Variants in PID1 observed in about 807,000 individuals in gnomAD.
PID1 encodes PTB-containing, cubilin and LRP1-interacting protein.
PID1 carries 10 observed loss-of-function variants against 19.1 expected under a neutral mutation model. The observed-to-expected ratio is 0.52, with a 90% CI of 0.32 to 0.89. PID1 has a LOEUF of 0.89. PID1 is among the 40% of genes least tolerant of loss of function. The pLI is 0.03. For missense variants in PID1, 248 were observed against 285.3 expected (o/e 0.87, Z 0.94); for synonymous variants, 130 against 116.0 (o/e 1.12, Z -0.78).
chr2:229,121,452 T>C (rs764742350), intron 2 of PID1, among the ~76,000 whole-genome samples: 1 of 152,238 alleles, frequency 6.6e-6, no homozygotes, highest in Non-Finnish European at 1.5e-5. Flanking sequence ...TAGTCTTTGC[T>C]CTGTCACTCA....
intron 2 of PID1, among the ~76,000 whole-genome samples, chr2:229,105,807 C>T (rs192578251): frequency 2.0e-5 from 3 of 152,234 alleles, no homozygotes; most frequent in African/African-American, 2.4e-5. Flanking sequence ...TGGCTGGGCA[C>T]AGTGGCTCAC....
chr2:229,182,223 A>G (rs2106219768), intron 1 of PID1, among the ~76,000 whole-genome samples: 1 of 152,230 alleles, frequency 6.6e-6, no homozygotes, highest in South Asian at 2.1e-4. Flanking sequence ...TTAATGATGT[A>G]TCAGTGCAGG....
chr2:229,186,128 A>G (rs781334859), intron 1 of PID1, among the ~76,000 whole-genome samples: 4 of 152,166 alleles, frequency 2.6e-5, no homozygotes, highest in Non-Finnish European at 5.9e-5. Flanking sequence ...AAGCTCCAAA[A>G]TGACCTCCTT....
chr2:229,068,914 C>T (rs956574819), intron 2 of PID1, among the ~76,000 whole-genome samples: 1 of 152,122 alleles, frequency 6.6e-6, no homozygotes, highest in African/African-American at 2.4e-5. Context: ...AAACACTTTC[C>T]ACGATGTGGT....
rs150168611 is a variant in PID1 at position 229,226,851 on chromosome 2, T to C, written c.30+44163A>G. Among the ~76,000 whole-genome samples the C allele has an allele frequency of 1.8e-4, 27 of 152,338 alleles. No individual in the cohort carries two copies. The East Asian group carries it at 2.9e-3, about 16-fold the overall frequency. ...AGCAGACAGAAAGGAGGTAAACTGT[T>C]AGATGACCCCCTTTAAAAGTCATTT... On this transcript the variant is annotated intron_variant, in intron 1 of 2. Coordinates refer to ENST00000392055, the MANE Select transcript of PID1 (RefSeq NM_001100818.2).
intron 1 of PID1, among the ~76,000 whole-genome samples, chr2:229,205,603 T>A (rs545357249): frequency 1.7e-3 from 256 of 152,216 alleles, no homozygotes; most frequent in African/African-American, 6.0e-3. Flanking sequence ...TAAAAAGATA[T>A]TCTTTCTCCA....
At chr2:229,214,810 C>T (rs1691811395) in intron 1 of PID1, among the ~76,000 whole-genome samples, 1 of 151,896 alleles carries the variant, frequency 6.6e-6, no homozygotes, top group Admixed American at 6.6e-5. Context: ...AATTTCAATG[C>T]ATTTGTAAGC....
At chr2:229,150,941 T>A (rs1690238705) in intron 2 of PID1, among the ~76,000 whole-genome samples, 1 of 152,008 alleles carries the variant, frequency 6.6e-6, no homozygotes, top group Non-Finnish European at 1.5e-5. Context: ...ACTTTCCTTA[T>A]GCTTTCTGGT....
At chr2:229,076,384 GT>G (rs548168828) in intron 2 of PID1, among the ~76,000 whole-genome samples, 278 of 147,276 alleles carry the variant, frequency 1.9e-3, no homozygotes, top group Non-Finnish European at 3.2e-3. Flanking sequence ...TTGGGTTTTT[GT>G]TTTTTTTTTA....
chr2:229,235,371 G>T (rs925391139), intron 1 of PID1, among the ~76,000 whole-genome samples: 1 of 152,202 alleles, frequency 6.6e-6, no homozygotes, highest in Admixed American at 6.5e-5. Flanking sequence ...CAAAACAGCA[G>T]GAAGAGTCTG....
intron 1 of PID1, among the ~76,000 whole-genome samples, chr2:229,192,768 G>T (rs77590287): frequency 6.6e-6 from 1 of 151,984 alleles, no homozygotes; most frequent in Admixed American, 6.6e-5. Flanking sequence ...ACACAATGGC[G>T]TTCAATAAAT....
At chr2:229,069,152 T>TGTGTGTGTGG (rs1694398205) in intron 2 of PID1, among the ~76,000 whole-genome samples, 1 of 150,706 alleles carries the variant, frequency 6.6e-6, no homozygotes, top group African/African-American at 2.4e-5. Flanking sequence ...TTTGTGTGTG[T>TGTGTGTGTGG]GTGTGTGTGT....
intron 1 of PID1, among the ~76,000 whole-genome samples, chr2:229,248,415 C>T (rs148494880): frequency 4.5e-4 from 68 of 152,310 alleles, no homozygotes; most frequent in Middle Eastern, 3.4e-3. Flanking sequence ...ATGGGTGATG[C>T]TAACTTTGAT....
chr2:229,070,011 T>C (rs1052366628), intron 2 of PID1, among the ~76,000 whole-genome samples: 4 of 152,222 alleles, frequency 2.6e-5, no homozygotes, highest in Non-Finnish European at 4.4e-5. Context: ...GAAGCATTTA[T>C]TGGTCGCCTG....
At chr2:229,119,959 T>A (rs1405824592) in intron 2 of PID1, among the ~76,000 whole-genome samples, 5 of 152,126 alleles carry the variant, frequency 3.3e-5, no homozygotes, top group Non-Finnish European at 7.4e-5. Flanking sequence ...GGTTCTAAAG[T>A]CTTCAGACTC....
intron 1 of PID1, among the ~76,000 whole-genome samples, chr2:229,163,698 T>C (rs1194763393): frequency 1.4e-5 from 2 of 147,150 alleles, no homozygotes; most frequent in African/African-American, 2.5e-5. Context: ...TGTGTGTGTA[T>C]ACTCACTAAT....
intron 1 of PID1, among the ~76,000 whole-genome samples, chr2:229,241,728 G>A (rs1689875048): frequency 6.6e-6 from 1 of 152,036 alleles, no homozygotes; most frequent in Non-Finnish European, 1.5e-5. Context: ...CACCAAATAA[G>A]AAGCAAAGCA....
chr2:229,182,964 C>A (rs1435018999), intron 1 of PID1, among the ~76,000 whole-genome samples: 1 of 152,178 alleles, frequency 6.6e-6, no homozygotes, highest in Non-Finnish European at 1.5e-5. Context: ...CAGCTGAGGG[C>A]TTTGCTTCCC....
intron 1 of PID1, among the ~76,000 whole-genome samples, chr2:229,200,618 T>C (rs1691479368): frequency 1.3e-5 from 2 of 152,054 alleles, no homozygotes; most frequent in African/African-American, 2.4e-5. Flanking sequence ...CCCACTACGC[T>C]ACCTGTCTAC....
Sources: allele counts gnomAD v4.1 joint callset (sites outside exome capture counted in the v4.1 genomes callset), GRCh38; gene constraint gnomAD v4.1.1; transcripts MANE v1.5; gene names NCBI Gene and HGNC (gene_info 2026-07-23, HGNC 2026-07-21).